The following RAB38 variants were observed in gnomAD, a reference collection of about 807,000 sequenced individuals.
The protein encoded by RAB38 is ras-related protein Rab-38.
RAB38 carries 15 observed loss-of-function variants against 18.4 expected under a neutral mutation model. That is an observed-to-expected ratio of 0.82 (90% CI 0.55 to 1.26). The LOEUF is 1.26. RAB38 is among the 50% of genes most tolerant of loss of function. RAB38 has a pLI of 0.00. For synonymous variants in RAB38, 101 were observed against 104.4 expected (o/e 0.97, Z 0.20); for missense variants, 294 against 267.4 (o/e 1.10, Z -0.69).
At chr11:88,165,007 T>C (rs1231355064) in intron 1 of RAB38, among the ~76,000 whole-genome samples, 1 of 152,128 alleles carries the variant, frequency 6.6e-6, no homozygotes, top group Admixed American at 6.6e-5. Flanking sequence ...AAGATGACTG[T>C]TAATAAGTCA....
At chr11:87,889,877 C>T in the RAB38 span, among the ~76,000 whole-genome samples, 6 of 151,558 alleles carry the variant, frequency 4.0e-5, no homozygotes, top group Non-Finnish European at 7.4e-5. Context: ...GGGCAGATAC[C>T]GTACCTCTCC....
At chr11:88,134,749 C>T (rs1254886677) in intron 2 of RAB38, among the ~76,000 whole-genome samples, 1 of 152,200 alleles carries the variant, frequency 6.6e-6, no homozygotes, top group East Asian at 1.9e-4. Context: ...CAACCTTTCT[C>T]ACTATAATTC....
chr11:87,843,171 C>G, the RAB38 span, among the ~76,000 whole-genome samples: 13 of 152,182 alleles, frequency 8.5e-5, no homozygotes, highest in Admixed American at 1.3e-4. Context: ...TGTTTGCATC[C>G]GCTTATGTCT....
the RAB38 span, among the ~76,000 whole-genome samples, chr11:87,871,843 GT>G: frequency 6.6e-6 from 1 of 151,464 alleles, no homozygotes; most frequent in East Asian, 2.0e-4. Context: ...CGTAGCAATG[GT>G]TTACCTATTT....
the RAB38 span, among the ~76,000 whole-genome samples, chr11:88,021,420 G>C: frequency 1.3e-5 from 2 of 151,884 alleles, no homozygotes; most frequent in African/African-American, 4.8e-5. Context: ...CCAATAATAA[G>C]TAATAAAATC....
the RAB38 span, among the ~76,000 whole-genome samples, chr11:87,890,592 C>G: frequency 6.6e-6 from 1 of 151,106 alleles, no homozygotes. Flanking sequence ...TTTTTATCAA[C>G]TGTTGTATTT....
At chr11:88,036,391 C>T in the RAB38 span, among the ~76,000 whole-genome samples, 7 of 152,160 alleles carry the variant, frequency 4.6e-5, no homozygotes, top group Non-Finnish European at 7.4e-5. Context: ...GGCTTAATTG[C>T]ATGTATTTAA....
the RAB38 span, among the ~76,000 whole-genome samples, chr11:87,972,855 A>C: frequency 6.6e-6 from 1 of 152,038 alleles, no homozygotes; most frequent in African/African-American, 2.4e-5. Flanking sequence ...CCAGTGTTGG[A>C]GGATGGGCCT....
At chr11:87,935,195 G>A in the RAB38 span, among the ~76,000 whole-genome samples, 25 of 152,106 alleles carry the variant, frequency 1.6e-4, no homozygotes, top group African/African-American at 3.1e-4. Context: ...TTTAAAAAAC[G>A]TCTCCTCAGT....
At chr11:87,933,192 G>A in the RAB38 span, among the ~76,000 whole-genome samples, 1 of 152,092 alleles carries the variant, frequency 6.6e-6, no homozygotes, top group African/African-American at 2.4e-5. Context: ...GATATGAAAA[G>A]AAATTAGTAC....
the RAB38 span, among the ~76,000 whole-genome samples, chr11:88,045,759 T>C: frequency 6.6e-6 from 1 of 152,160 alleles, no homozygotes; most frequent in African/African-American, 2.4e-5. Context: ...TCTTAATCAA[T>C]ACGAAGGCTA....
chr11:87,879,604 G>A, the RAB38 span: 3 of 151,628 alleles, frequency 2.0e-5, no homozygotes, highest in Non-Finnish European at 3.0e-5. Flanking sequence ...GTGTGCTCGT[G>A]GAGCAACCTC....
chr11:88,114,052 T>C lies in RAB38; in HGVS notation c.572A>G (p.Asp191Gly). The change falls in exon 3 of 3, where the codon GAC becomes GGC. Residue 191 changes from aspartate to glycine, a missense_variant. By Grantham distance (94) the Asp-to-Gly change is moderately conservative. Coordinates refer to ENST00000243662, the MANE Select transcript of RAB38 (RefSeq NM_022337.3). ...ECDLMESIEP[D>G]VVKPHLTSTK... is the part of the protein sequence containing the mutation. ...TGATGTGAGATGGGGCTTCACGACG[T>C]CCGGCTCAATAGACTCCATTAGGTC... is the stretch of plus-strand genomic sequence containing the variant. 6.2e-7 allele frequency: 1 copy of C among 1,614,196 alleles called. No individual in the cohort carries two copies. The highest frequency in any genetic ancestry group is 1.1e-5 in the South Asian group (1 of 91,082).
At chr11:88,015,042 A>C in the RAB38 span, among the ~76,000 whole-genome samples, 2 of 117,290 alleles carry the variant, frequency 1.7e-5, no homozygotes, top group African/African-American at 3.5e-5. Flanking sequence ...AAACACACCC[A>C]GTTGCCTGTA....
the RAB38 span, among the ~76,000 whole-genome samples, chr11:88,038,140 C>T: frequency 1.3e-5 from 2 of 152,080 alleles, no homozygotes; most frequent in Non-Finnish European, 2.9e-5. Context: ...TTGTCTCTAG[C>T]TTTTTCAGTT....
chr11:87,805,292 A>G, the RAB38 span, among the ~76,000 whole-genome samples: 5 of 152,094 alleles, frequency 3.3e-5, no homozygotes, highest in African/African-American at 4.8e-5. Context: ...CTATGTTTAT[A>G]CACACACACA....
At chr11:88,021,749 T>C in the RAB38 span, among the ~76,000 whole-genome samples, 2 of 150,088 alleles carry the variant, frequency 1.3e-5, no homozygotes, top group African/African-American at 4.9e-5. Flanking sequence ...GCTCAACTAA[T>C]TTTTGTATTT....
chr11:88,157,384 C>T (rs1054045106), intron 1 of RAB38, among the ~76,000 whole-genome samples: 2 of 152,168 alleles, frequency 1.3e-5, no homozygotes, highest in Admixed American at 1.3e-4. Flanking sequence ...GAGACAACCA[C>T]ATAATAATAG....
At chr11:87,970,507 T>C in the RAB38 span, among the ~76,000 whole-genome samples, 2 of 152,096 alleles carry the variant, frequency 1.3e-5, no homozygotes, top group Non-Finnish European at 1.5e-5. Flanking sequence ...GTGCCTCACA[T>C]ACCTCCCCCA....
Sources: allele counts gnomAD v4.1 joint callset (sites outside exome capture counted in the v4.1 genomes callset), GRCh38; gene constraint gnomAD v4.1.1; transcripts MANE v1.5; gene names NCBI Gene and HGNC (gene_info 2026-07-23, HGNC 2026-07-21).